Variants in AP1G1 observed in about 807,000 individuals in gnomAD.
The protein encoded by AP1G1 is AP-1 complex subunit gamma-1.
A neutral mutation model predicts 108.3 loss-of-function variants in AP1G1; 7 were observed. The ratio of observed to expected loss-of-function variants is 0.06; its 90% CI spans 0.04 to 0.12. AP1G1 has a LOEUF of 0.12. Among genes scored for constraint, AP1G1 ranks in the 10% least tolerant of loss-of-function variants. AP1G1 has a pLI of 1.00. For synonymous variants in AP1G1, 379 were observed against 353.5 expected, an observed-to-expected ratio of 1.07 and a Z score of -0.81; for missense variants, 756 against 1,010.7, an observed-to-expected ratio of 0.75 and a Z score of 3.42.
Position 71,731,278 on chromosome 16 carries a change from T to C in AP1G1, c.*1780A>G, listed in dbSNP as rs2045472498. 6.6e-6 allele frequency: 1 copy of C among 152,632 alleles called. No individual in the cohort carries two copies. The highest frequency in any genetic ancestry group is 6.5e-5 in the Admixed American group (1 of 15,280). The allele number at this position is 152,632 out of a possible 1,614,324, so 9.5% of individuals were successfully genotyped here. A position where few individuals can be genotyped will look rare whatever the true frequency, so the allele number is the denominator to read the frequency against. On this transcript the variant is annotated 3_prime_UTR_variant, in exon 23 of 23. Coordinates refer to ENST00000299980, the MANE Select transcript of AP1G1 (RefSeq NM_001128.6). ...AGTAAGTTTTAGCAGATCTTGCTCATACACACTAGTAAGACCAGAAACTTT... is the reference window on the plus strand; with the variant it reads ...AGTAAGTTTTAGCAGATCTTGCTCACACACACTAGTAAGACCAGAAACTTT...
chr16:71,736,362 T>C (rs1403809141), intron 21 of AP1G1, among the ~76,000 whole-genome samples: 2 of 148,068 alleles, frequency 1.4e-5, no homozygotes, highest in Non-Finnish European at 3.0e-5. Context: ...AATTAGTACA[T>C]AGTAGAACCT....
At chr16:71,798,516 A>C (rs1212433528) in intron 1 of AP1G1, among the ~76,000 whole-genome samples, 1 of 151,980 alleles carries the variant, frequency 6.6e-6, no homozygotes, top group African/African-American at 2.4e-5. Flanking sequence ...ATTCTAAGAC[A>C]GTTTCAGAAA....
chr16:71,793,707 C>A (rs2032482792), intron 1 of AP1G1, among the ~76,000 whole-genome samples: 1 of 152,092 alleles, frequency 6.6e-6, no homozygotes, highest in Non-Finnish European at 1.5e-5. Flanking sequence ...CTTTTTGAGA[C>A]AGGGTCTCAC....
intron 16 of AP1G1, chr16:71,747,152 T>C (rs1050306430): frequency 6.6e-6 from 1 of 152,338 alleles, no homozygotes; most frequent in African/African-American, 2.4e-5. Context: ...CAATACCATT[T>C]TTTATAAGAC....
chr16:71,736,121 T>A (rs1318273160), intron 21 of AP1G1, among the ~76,000 whole-genome samples: 4,170 of 58,320 alleles, frequency 0.072, 144 homozygotes, highest in East Asian at 0.19. Flanking sequence ...AAAAAAAATA[T>A]ATATATATAT....
chr16:71,806,792 A>G, intron 1 of AP1G1: 1 of 1,039,144 alleles, frequency 9.6e-7, no homozygotes, highest in Admixed American at 3.3e-5. Context: ...ATCTAATAGT[A>G]ACTAATATAT....
chr16:71,768,938 AAAG>A (rs2031446350), intron 6 of AP1G1, among the ~76,000 whole-genome samples: 2 of 139,872 alleles, frequency 1.4e-5, no homozygotes, highest in African/African-American at 2.6e-5. Context: ...AAAAAAAAAA[AAAG>A]AAAAGAAAAG....
chr16:71,779,595 C>G (rs1262726899), intron 2 of AP1G1, among the ~76,000 whole-genome samples: 1 of 152,130 alleles, frequency 6.6e-6, no homozygotes, highest in Non-Finnish European at 1.5e-5. Flanking sequence ...CCCACCTCGC[C>G]TCCCAAAGCA....
At chr16:71,800,935 C>T (rs1031627550) in intron 1 of AP1G1, among the ~76,000 whole-genome samples, 7 of 152,202 alleles carry the variant, frequency 4.6e-5, no homozygotes, top group East Asian at 1.9e-4. Context: ...GCGGAGGTTG[C>T]GGTGAGCTGA....
chr16:71,796,468 A>G (rs1324435999), intron 1 of AP1G1, among the ~76,000 whole-genome samples: 1 of 152,202 alleles, frequency 6.6e-6, no homozygotes, highest in Admixed American at 6.5e-5. Context: ...CATACAAGGA[A>G]TAGTGTCCTG....
At chr16:71,756,276 GATCTTGTGATCCCA>G in intron 11 of AP1G1, 117 bp from the exon 12 acceptor site, 1 of 785,024 alleles carries the variant, frequency 1.3e-6, no homozygotes, top group South Asian at 2.5e-5. Context: ...GTCCTTGCAC[GATCTTGTGATCCCA>G]ATCTTTGCAC....
chr16:71,787,058 C>A (rs1466697256), intron 2 of AP1G1, among the ~76,000 whole-genome samples: 2 of 151,794 alleles, frequency 1.3e-5, no homozygotes, highest in Non-Finnish European at 2.9e-5. Context: ...CAGTGGCTCA[C>A]TTCTGTAATC....
chr16:71,767,958 G>T, intron 6 of AP1G1: 2 of 1,478,088 alleles, frequency 1.4e-6, no homozygotes, highest in Non-Finnish European at 1.9e-6. Context: ...ACAGATACGG[G>T]TCTCATACTA....
At position 71,739,007 on chromosome 16, in the gene AP1G1, T is replaced by C. The variant is rs201379952; in HGVS notation, c.2203A>G (p.Ile735Val). Residue 735 changes from isoleucine (I) to valine (V), a missense_variant, in exon 21 of 23, where the codon ATA (isoleucine) becomes GTA (valine). Ile to Val is a conservative substitution (Grantham distance 29). Transcript: ENST00000299980. ...NTNPSVTVIT[I>V]QASNSTELDM... ...AGCTCTGTGCTGTTGGAGGCCTGTA[T>C]CGTTATCACTGTTACACTGGGGTTG... is the stretch of plus-strand genomic sequence containing the variant. 1 of 1,614,186 alleles carries C rather than the reference T, an allele frequency of 6.2e-7. No homozygotes were observed. Among genetic ancestry groups the C allele is most frequent in the East Asian group, 2.2e-5 (1 of 44,876 alleles).
chr16:71,733,973 G>A (rs916897114), intron 22 of AP1G1, among the ~76,000 whole-genome samples: 1 of 152,172 alleles, frequency 6.6e-6, no homozygotes, highest in Non-Finnish European at 1.5e-5. Context: ...GATGGTCAAA[G>A]GAGTTTGTGC....
intron 2 of AP1G1, among the ~76,000 whole-genome samples, chr16:71,777,092 C>A (rs1374949027): frequency 2.7e-5 from 2 of 74,088 alleles, no homozygotes. Flanking sequence ...CCTAGGAAAA[C>A]AGCCAAACTG....
rs1378137809 is a variant in AP1G1 at position 71,756,002 on chromosome 16, T to TA, written c.1229+16dup. Reference sequence around the variant, plus strand: ...TCCAAGCAGACTTTACCAATAAAGGTAAAAATTAAATCTTACTTTTCTGCA... The same window carrying TA: ...TCCAAGCAGACTTTACCAATAAAGGTAAAAAATTAAATCTTACTTTTCTGCA... On this transcript the variant is annotated intron_variant, in intron 12 of 22. Transcript: ENST00000299980. 1 of 1,603,440 alleles carries TA rather than the reference T, an allele frequency of 6.2e-7. No individual in the cohort carries two copies. Among genetic ancestry groups the TA allele is most frequent in the Non-Finnish European group, 8.5e-7 (1 of 1,175,550 alleles).
At position 71,750,226 on chromosome 16, in the gene AP1G1, A is replaced by G; in HGVS notation, c.1391T>C (p.Leu464Pro). Reference sequence around the variant, plus strand: ...AGTACTTACTTGAGAATAATCACCAAGAATTGCTTTGTACAGGCGCTGGAC... The same window carrying G: ...AGTACTTACTTGAGAATAATCACCAGGAATTGCTTTGTACAGGCGCTGGAC... ...YTVQRLYKAILGDYSQQPLVQ... is the reference protein window; with the variant it reads ...YTVQRLYKAIPGDYSQQPLVQ... The change falls in exon 14 of 23, where the codon CTT becomes CCT. Residue 464 changes from leucine to proline, a missense_variant. Coordinates refer to ENST00000299980, the MANE Select transcript of AP1G1 (RefSeq NM_001128.6). The G allele has an allele frequency of 6.2e-7, 1 of 1,613,888 alleles. No homozygotes were observed. The highest frequency in any genetic ancestry group is 8.5e-7 in the Non-Finnish European group (1 of 1,179,958).
At chr16:71,754,496 G>C (rs758420680) in intron 12 of AP1G1, among the ~76,000 whole-genome samples, 25 of 152,246 alleles carry the variant, frequency 1.6e-4, no homozygotes, top group South Asian at 6.2e-4. Context: ...TTCAAAGAGT[G>C]ATAAAAAGGT....
Sources: gnomAD v4.1 joint callset for allele counts (sites outside exome capture counted in the v4.1 genomes callset) on GRCh38, gnomAD v4.1.1 for gene constraint, MANE v1.5 for transcripts, NCBI Gene and HGNC (gene_info 2026-07-23, HGNC 2026-07-21) for gene names.